MCU: variants seen among roughly 807,000 people sequenced by gnomAD.
MCU encodes the protein calcium uniporter protein, mitochondrial.
Under a neutral mutation model 45.2 loss-of-function variants are expected in MCU, and 12 were observed. The ratio of observed to expected loss-of-function variants is 0.27; its 90% confidence interval spans 0.17 to 0.43. MCU has a LOEUF of 0.43. Ranked by LOEUF, MCU falls within the 20% of genes least tolerant of loss-of-function variation. The pLI, the probability that MCU is intolerant of heterozygous loss-of-function variation, is 1.00. For synonymous variants in MCU, 160 were observed against 165.1 expected (o/e 0.97, Z 0.24); for missense variants, 324 against 436.7 (o/e 0.74, Z 2.30).
At chr10:72,780,561 T>C (rs1287380621) in intron 1 of MCU, among the ~76,000 whole-genome samples, 1 of 137,328 alleles carries the variant, frequency 7.3e-6, no homozygotes, top group Non-Finnish European at 1.6e-5. Context: ...TTGGGTGAAT[T>C]TGGAAGAGAG....
chr10:72,743,462 A>AT (rs985821555), intron 1 of MCU, among the ~76,000 whole-genome samples: 40 of 143,492 alleles, frequency 2.8e-4, no homozygotes, highest in Non-Finnish European at 4.7e-4. Flanking sequence ...ATATATCTTT[A>AT]TGGGGGGGAG....
In MCU at chr10:72,793,358, G is replaced by A. The variant is rs181002288; in HGVS notation, c.151-41001G>A. On this transcript the variant is annotated intron_variant, in intron 1 of 7. Transcript: ENST00000373053. ...CAACCAACAAAAGGAAGAAATGGAG[G>A]AACTATTAAAATATTTTTATAGAAG... Among the ~76,000 whole-genome samples, 5 of 152,124 alleles carry A rather than the reference G, an allele frequency of 3.3e-5. No individual in the cohort carries two copies. In the East Asian group the frequency reaches 5.8e-4, roughly 18 times the overall value.
chr10:72,855,454 T>C (rs921365718), intron 2 of MCU, among the ~76,000 whole-genome samples: 24 of 151,832 alleles, frequency 1.6e-4, no homozygotes, highest in African/African-American at 5.1e-4. Flanking sequence ...CAGTTACATA[T>C]GCCTATAGTC....
intron 1 of MCU, among the ~76,000 whole-genome samples, chr10:72,805,155 C>CTTTCTTTCTTTCTT (rs1359050918): frequency 0.011 from 1,509 of 138,818 alleles, 23 homozygotes; most frequent in East Asian, 0.04. Context: ...TTCTTTCTTT[C>CTTTCTTTCTTTCTT]TTTCTGTCTC....
intron 2 of MCU, among the ~76,000 whole-genome samples, chr10:72,835,241 A>G (rs1844939615): frequency 6.6e-6 from 1 of 152,226 alleles, no homozygotes; most frequent in South Asian, 2.1e-4. Flanking sequence ...GATGCTATAA[A>G]CTGGCGACAG....
Position 72,834,353 on chromosome 10 carries a change from T to C in MCU, c.151-6T>C. On this transcript the variant is annotated splice_region_variant and splice_polypyrimidine_tract_variant and intron_variant, in intron 1 of 7. Coordinates refer to ENST00000373053, the MANE Select transcript of MCU (RefSeq NM_138357.3). ...TGACAGTAGATGTATCTTTTGTGTT[T>C]TCTAGGTACACCAGAGGATCGCTTC... The C allele has an allele frequency of 6.2e-7, 1 of 1,612,708 alleles. No homozygotes were observed. The highest frequency in any genetic ancestry group is 8.5e-7 in the Non-Finnish European group (1 of 1,178,828).
At chr10:72,879,711 A>G (rs369585764) in intron 6 of MCU, among the ~76,000 whole-genome samples, 10 of 152,230 alleles carry the variant, frequency 6.6e-5, no homozygotes, top group South Asian at 2.1e-4. Context: ...TGTATAAACA[A>G]TAATAAACTC....
At chr10:72,708,671 A>G (rs982944553) in intron 1 of MCU, among the ~76,000 whole-genome samples, 1 of 152,176 alleles carries the variant, frequency 6.6e-6, no homozygotes, top group Admixed American at 6.6e-5. Flanking sequence ...GCTGTAGATC[A>G]TCTTGTTCTC....
intron 6 of MCU, among the ~76,000 whole-genome samples, chr10:72,877,371 T>A (rs1228114262): frequency 6.6e-6 from 1 of 152,192 alleles, no homozygotes; most frequent in African/African-American, 2.4e-5. Flanking sequence ...TAGCAGCATG[T>A]TAGATGAATG....
Position 72,860,508 on chromosome 10 carries a change from C to T in MCU, c.477C>T (p.His159=), listed in dbSNP as rs371447187. 3.7e-5 allele frequency: 59 copies of T among 1,613,550 alleles called. No homozygotes were observed. The highest frequency in any genetic ancestry group is 1.5e-4 in the African/African-American group (11 of 74,996). ...TGGTCATTAATGACTTAACATACCA[C>T]GTACGACCACCAAAAAGAGGTAAAA... ...FKLVINDLTY[H]VRPPKRDLLS... The change falls in exon 4 of 8, where the codon CAC becomes CAT. Residue 159 remains histidine, a synonymous_variant. Coordinates refer to ENST00000373053, the MANE Select transcript of MCU (RefSeq NM_138357.3).
intron 1 of MCU, among the ~76,000 whole-genome samples, chr10:72,780,551 T>TGTGTGTGTGTGTGTGTGTGG (rs1554823562): frequency 6.9e-6 from 1 of 143,928 alleles, no homozygotes; most frequent in Non-Finnish European, 1.5e-5. Flanking sequence ...TGTGTGTGTG[T>TGTGTGTGTGTGTGTGTGTGG]TGGGTGAATT....
intron 2 of MCU, among the ~76,000 whole-genome samples, chr10:72,840,467 G>A (rs1278117621): frequency 6.6e-6 from 1 of 152,118 alleles, no homozygotes; most frequent in African/African-American, 2.4e-5. Flanking sequence ...GAGGGAAAGG[G>A]GACAAATGTT....
intron 1 of MCU, among the ~76,000 whole-genome samples, chr10:72,708,069 A>G (rs1289815014): frequency 6.6e-6 from 1 of 152,242 alleles, no homozygotes; most frequent in Non-Finnish European, 1.5e-5. Flanking sequence ...GTGTAAAATC[A>G]TAAACTCAGG....
At chr10:72,745,093 T>TA (rs1843395446) in intron 1 of MCU, among the ~76,000 whole-genome samples, 1 of 152,340 alleles carries the variant, frequency 6.6e-6, no homozygotes, top group African/African-American at 2.4e-5. Context: ...AAAAACCTAT[T>TA]TATAAACTCT....
chr10:72,729,236 G>A (rs892366969), intron 1 of MCU, among the ~76,000 whole-genome samples: 8 of 152,154 alleles, frequency 5.3e-5, no homozygotes, highest in Admixed American at 3.9e-4. Context: ...AAGCCAAGGC[G>A]GGTGGATCAC....
intron 1 of MCU, among the ~76,000 whole-genome samples, chr10:72,777,981 C>A (rs1843921772): frequency 6.6e-6 from 1 of 152,150 alleles, no homozygotes; most frequent in African/African-American, 2.4e-5. Flanking sequence ...AATGAGATAT[C>A]ATTTCATCCC....
At chr10:72,813,903 T>C (rs571936432) in intron 1 of MCU, among the ~76,000 whole-genome samples, 2 of 152,244 alleles carry the variant, frequency 1.3e-5, no homozygotes, top group African/African-American at 4.8e-5. Context: ...GTCTATGTTC[T>C]TCAGGTCTAT....
intron 6 of MCU, among the ~76,000 whole-genome samples, chr10:72,878,989 C>T (rs933783769): frequency 4.6e-5 from 7 of 152,178 alleles, no homozygotes; most frequent in African/African-American, 9.7e-5. Context: ...TCTGACTGGG[C>T]GCGGTGGCTC....
intron 1 of MCU, among the ~76,000 whole-genome samples, chr10:72,716,681 C>T (rs1304133848): frequency 6.6e-6 from 1 of 151,484 alleles, no homozygotes; most frequent in African/African-American, 2.4e-5. Flanking sequence ...GCCAGGAGTG[C>T]CTAACCAGCT....
Sources: allele counts gnomAD v4.1 joint callset (sites outside exome capture counted in the v4.1 genomes callset), GRCh38; gene constraint gnomAD v4.1.1; transcripts MANE v1.5; gene names NCBI Gene and HGNC (gene_info 2026-07-23, HGNC 2026-07-21).